The following GSN variants were observed in gnomAD, a reference collection of about 807,000 sequenced individuals.
GSN encodes actin-depolymerizing factor.
A neutral mutation model predicts 85.7 loss-of-function variants in GSN; 56 were observed. The observed-to-expected ratio is 0.65, with a 90% CI of 0.53 to 0.82. The LOEUF is 0.82. GSN is among the 40% of genes least tolerant of loss of function. GSN has a pLI of 0.00. For synonymous variants in GSN, 373 were observed against 399.1 expected (o/e 0.93, Z 0.78); for missense variants, 857 against 979.8 (o/e 0.87, Z 1.67).
At chr9:121,222,338 A>T (rs1030479243) in intron 4 of GSN, 4 of 152,086 alleles carry the variant, frequency 2.6e-5, no homozygotes, top group Admixed American at 6.5e-5. Context: ...TAAAATCATG[A>T]CTCTTAAAGA....
At chr9:121,320,225 A>C (rs1159317251) in intron 10 of GSN, among the ~76,000 whole-genome samples, 3 of 152,212 alleles carry the variant, frequency 2.0e-5, no homozygotes, top group Non-Finnish European at 4.4e-5. Context: ...TAGCTCCACC[A>C]GGTGGCGCTG....
intron 4 of GSN, chr9:121,223,080 G>A (rs959715636): frequency 1.7e-4 from 26 of 152,014 alleles, no homozygotes; most frequent in African/African-American, 6.0e-4. Flanking sequence ...CCAGTCCGGC[G>A]TTCCTACAGG....
rs556205584 is a variant in GSN, at chr9:121,328,803, G to A, written c.1763-88G>A. On this transcript the variant is annotated intron_variant, in intron 14 of 17. Coordinates refer to ENST00000432226, the MANE Select transcript of GSN (RefSeq NM_198252.3). ...GAGGAGAGGGAGAGCAGTTGGTTGC[G>A]CTTGGGCAGGGCTGGTCCCAGGGTC... 9.0e-5 allele frequency: 128 copies of A among 1,417,914 alleles called. 2 individuals are homozygous for A. The highest frequency in any genetic ancestry group is 6.2e-4 in the South Asian group (54 of 86,854). The allele number at this position is 1,417,914 out of a possible 1,614,324, so 87.8% of individuals were successfully genotyped here. A position where few individuals can be genotyped will look rare whatever the true frequency, so the allele number is the denominator to read the frequency against.
intron 5 of GSN, among the ~76,000 whole-genome samples, chr9:121,244,644 C>T (rs1332051772): frequency 6.6e-6 from 1 of 152,188 alleles, no homozygotes; most frequent in Non-Finnish European, 1.5e-5. Flanking sequence ...GCCACTGCAG[C>T]TCTATTTGTA....
rs995334821 is a variant in GSN, at chr9:121,281,527, C to T, written c.-45C>T. On this transcript the variant is annotated 5_prime_UTR_variant, in exon 2 of 18. It adds an upstream start codon to the 5' untranslated region. Coordinates refer to ENST00000432226, the MANE Select transcript of GSN (RefSeq NM_198252.3). ...CGGCCTTGGTCCCAGCGCCTTCCCACGGAGCAGCACTCTTCACCCTGCACA... is the reference window on the plus strand; with the variant it reads ...CGGCCTTGGTCCCAGCGCCTTCCCATGGAGCAGCACTCTTCACCCTGCACA... 4.3e-5 allele frequency: 18 copies of T among 415,290 alleles called. No individual in the cohort carries two copies. The highest frequency in any genetic ancestry group is 4.1e-4 in the Admixed American group (14 of 34,236). 25.7% of individuals were successfully genotyped at this position (415,290 alleles called of 1,614,324 possible). A position where few individuals can be genotyped will look rare whatever the true frequency, so the allele number is the denominator to read the frequency against.
At chr9:121,223,910 C>T (rs569801121) in intron 4 of GSN, among the ~76,000 whole-genome samples, 6 of 152,168 alleles carry the variant, frequency 3.9e-5, no homozygotes, top group South Asian at 2.1e-4. Flanking sequence ...CCACCCGCCT[C>T]GGCCTCCCAA....
chr9:121,280,611 G>A (rs2057251247), intron 1 of GSN, among the ~76,000 whole-genome samples: 1 of 152,180 alleles, frequency 6.6e-6, no homozygotes, highest in Non-Finnish European at 1.5e-5. Context: ...CAATTTGCAG[G>A]CAAAAGACTT....
chr9:121,285,815 C>T (rs2058000696), intron 2 of GSN, among the ~76,000 whole-genome samples: 1 of 152,198 alleles, frequency 6.6e-6, no homozygotes. Context: ...CCTTCAGGTC[C>T]TCAGAGAGGG....
rs146125870 is a variant in GSN at position 121,326,560 on chromosome 9, G to A, written c.1465G>A (p.Gly489Ser). ...KEPAHLMSLF[G>S]GKPMIIYKGG... The stretch of plus-strand genomic sequence containing the variant: ...GCCCGCCCACCTCATGAGCCTGTTT[G>A]GTGGGAAGCCCATGATCATCTACAA... Residue 489 changes from glycine (G) to serine (S), a missense_variant, in exon 13 of 18, where the codon GGT (glycine) becomes AGT (serine). Gly to Ser is a moderately conservative substitution (Grantham distance 56). Coordinates refer to ENST00000432226, the MANE Select transcript of GSN (RefSeq NM_198252.3). The A allele has an allele frequency of 1.2e-6, 2 of 1,614,046 alleles. No individual in the cohort carries two copies. Among genetic ancestry groups the A allele is most frequent in the Admixed American group, 1.7e-5 (1 of 60,028 alleles).
chr9:121,203,961 T>C (rs1409461517), upstream of GSN, among the ~76,000 whole-genome samples: 2 of 152,216 alleles, frequency 1.3e-5, no homozygotes, highest in African/African-American at 4.8e-5. Context: ...TGTCACACTT[T>C]AACATTTTTG....
upstream of GSN, chr9:121,268,013 G>A (rs754005203): frequency 2.0e-5 from 3 of 152,120 alleles, no homozygotes; most frequent in Non-Finnish European, 4.4e-5. Context: ...GGACGAAGGC[G>A]AGCTTGGAGC....
Position 121,299,120 on chromosome 9 carries a change from G to GTA in GSN, c.-9-2842_-9-2841dup, listed in dbSNP as rs1164539810. ...AATGTGATGGAGAGGGAACAACTGTGTACAAACATGTGACTTTACGTTTTG... is the reference window on the plus strand; with the variant it reads ...AATGTGATGGAGAGGGAACAACTGTGTATACAAACATGTGACTTTACGTTTTG... On this transcript the variant is annotated intron_variant, in intron 2 of 17. Transcript: ENST00000432226. The surrounding 1 kb of genome is among the most constrained non-coding windows in gnomAD (Gnocchi z 4.2). 2 of 165,310 alleles carry GTA rather than the reference G, an allele frequency of 1.2e-5. No homozygotes were observed. The highest frequency in any genetic ancestry group is 2.5e-5 in the Non-Finnish European group (2 of 80,022). The allele number at this position is 165,310 out of a possible 1,614,324, so 10.2% of individuals were successfully genotyped here.
rs1014829124 is a variant in GSN at position 121,312,426 on chromosome 9, C to T, written c.601C>T (p.Arg201Trp). Residue 201 changes from arginine (R) to tryptophan (W), a missense_variant, in exon 6 of 18, where the codon CGG becomes TGG. Arg to Trp is a moderately radical substitution (Grantham distance 101). Transcript: ENST00000432226. ...QVSKGIRDNE[R>W]SGRARVHVSE... ...GTCCAAGGGCATCCGGGACAACGAG[C>T]GGAGTGGCCGGGCCCGAGTGCACGT... 8 of 1,613,968 alleles carry T rather than the reference C, an allele frequency of 5.0e-6. No individual in the cohort carries two copies. Among genetic ancestry groups the T allele is most frequent in the South Asian group, 3.3e-5 (3 of 91,088 alleles).
At chr9:121,255,274 C>T (rs1476444689) in intron 6 of GSN, among the ~76,000 whole-genome samples, 6 of 152,132 alleles carry the variant, frequency 3.9e-5, no homozygotes, top group African/African-American at 7.2e-5. Context: ...GACAGGGTCT[C>T]GCTATGTCAC....
At chr9:121,202,057 G>T in the GSN span, among the ~76,000 whole-genome samples, 1 of 152,208 alleles carries the variant, frequency 6.6e-6, no homozygotes, top group Non-Finnish European at 1.5e-5. Flanking sequence ...CCGCCCCACG[G>T]GCGCTCGCGC....
upstream of GSN, among the ~76,000 whole-genome samples, chr9:121,205,185 C>T (rs2053862884): frequency 6.6e-6 from 1 of 152,220 alleles, no homozygotes; most frequent in Non-Finnish European, 1.5e-5. Context: ...TCCCCATTTC[C>T]AACCCCATCC....
At chr9:121,217,798 G>T (rs1008247833) in intron 4 of GSN, among the ~76,000 whole-genome samples, 8 of 143,380 alleles carry the variant, frequency 5.6e-5, no homozygotes, top group East Asian at 2.0e-4. Context: ...ATATAGAAAT[G>T]TATTATTATT....
intron 13 of GSN, 142 bp from the exon 14 acceptor site, chr9:121,327,166 G>T: frequency 1.3e-6 from 1 of 797,876 alleles, no homozygotes. Context: ...AGGGTCCAAA[G>T]TCTGTGCCCT....
At chr9:121,316,558 C>T (rs1447131819) in intron 7 of GSN, among the ~76,000 whole-genome samples, 1 of 152,126 alleles carries the variant, frequency 6.6e-6, no homozygotes, top group Non-Finnish European at 1.5e-5. Context: ...ATAGCCCCGA[C>T]ATCCTGGGCT....
Sources: gnomAD v4.1 joint callset for allele counts (sites outside exome capture counted in the v4.1 genomes callset) on GRCh38, gnomAD v4.1.1 for gene constraint, Gnocchi (gnomAD v3.1) non-coding constraint, MANE v1.5 for transcripts, NCBI Gene and HGNC (gene_info 2026-07-23, HGNC 2026-07-21) for gene names.